Variants in DGKH observed in about 807,000 individuals in gnomAD.
The protein encoded by DGKH is diacylglycerol kinase eta.
In DGKH, 90 loss-of-function variants were observed where a neutral mutation model predicts 159.3. The ratio of observed to expected loss-of-function variants is 0.57; its 90% CI spans 0.48 to 0.67. DGKH has a LOEUF of 0.67. DGKH is among the 30% of genes least tolerant of loss of function. DGKH has a pLI of 0.00. For synonymous variants in DGKH, 536 were observed against 553.8 expected, an observed-to-expected ratio of 0.97 and a Z score of 0.45; for missense variants, 1,181 against 1,506.1, an observed-to-expected ratio of 0.78 and a Z score of 3.57.
At chr13:42,064,222 G>A (rs1003905328) in intron 1 of DGKH, among the ~76,000 whole-genome samples, 22 of 152,208 alleles carry the variant, frequency 1.4e-4, no homozygotes, top group African/African-American at 5.3e-4. Context: ...AAGTTAGGTC[G>A]TCAGCTGAGA....
chr13:42,118,264 C>A (rs1456896016), intron 1 of DGKH, among the ~76,000 whole-genome samples: 1 of 152,096 alleles, frequency 6.6e-6, no homozygotes, highest in Non-Finnish European at 1.5e-5. Context: ...CTCATTGATA[C>A]CATTTCCCCT....
chr13:42,070,376 C>T, intron 1 of DGKH: 3 of 1,431,094 alleles, frequency 2.1e-6, no homozygotes, highest in Non-Finnish European at 3.0e-6. Context: ...TGCATCTGTT[C>T]AAGTTCATGT....
chr13:42,064,282 A>G (rs1281083542), intron 1 of DGKH, among the ~76,000 whole-genome samples: 2 of 152,164 alleles, frequency 1.3e-5, no homozygotes, highest in Admixed American at 1.3e-4. Flanking sequence ...AAGGTATGAA[A>G]TGCTTGAACA....
At chr13:42,100,418 G>C (rs138467980) in intron 1 of DGKH, among the ~76,000 whole-genome samples, 156 of 152,198 alleles carry the variant, frequency 1.0e-3, no homozygotes, top group African/African-American at 3.5e-3. Flanking sequence ...CACAATAAAT[G>C]TAATGTGCTT....
At position 42,255,032 on chromosome 13, in the gene DGKH, G is replaced by T. The variant is rs528267561; in HGVS notation, n.4128-1252G>T. ...TTGAAAATATCTTGTATATATTGGG[G>T]TAAATAAAATCTATTATTTTTGCGT... On this transcript the variant is annotated intron_variant and non_coding_transcript_variant, in intron 30 of 30. Transcript: ENST00000498255. Among the ~76,000 whole-genome samples the T allele has an allele frequency of 3.3e-5, 5 of 151,848 alleles. No individual in the cohort carries two copies. In the East Asian group the frequency reaches 9.7e-4, roughly 29 times the overall value.
downstream of DGKH, among the ~76,000 whole-genome samples, chr13:42,244,354 AG>A (rs940685830): frequency 1.3e-4 from 20 of 152,338 alleles, no homozygotes; most frequent in African/African-American, 4.6e-4. Flanking sequence ...GGAATGCCAG[AG>A]GAAGAAGCCG....
Position 42,127,522 on chromosome 13 carries a change from G to A in DGKH, c.252G>A (p.Lys84=). ...CCAGTTCTTTCCAAAGGTGGAAAAA[G>A]CGATACTTCAAACTTCGAGGCCGCA... is the stretch of plus-strand genomic sequence containing the variant. ...KQTSSFQRWK[K]RYFKLRGRTL... is the part of the protein sequence containing the mutation. Residue 84 remains lysine, a synonymous_variant, in exon 2 of 30, where the codon AAG becomes AAA. Coordinates refer to ENST00000337343, the MANE Select transcript of DGKH (RefSeq NM_178009.5). The A allele has an allele frequency of 1.9e-6, 3 of 1,613,860 alleles. No homozygotes were observed. The highest frequency in any genetic ancestry group is 1.1e-5 in the South Asian group (1 of 91,068).
chr13:42,073,700 T>C (rs1209476631), intron 1 of DGKH, among the ~76,000 whole-genome samples: 2 of 152,228 alleles, frequency 1.3e-5, no homozygotes, highest in Admixed American at 6.5e-5. Context: ...TTTAAGAGGA[T>C]GTAATGCCAT....
intron 3 of DGKH, chr13:42,140,482 G>A (rs1243692094): frequency 6.6e-6 from 1 of 152,236 alleles, no homozygotes; most frequent in African/African-American, 2.4e-5. Context: ...TAGCTGTGTG[G>A]AAGTAAACTT....
chr13:42,046,284 G>A (rs1480369933), upstream of DGKH, among the ~76,000 whole-genome samples: 1 of 152,194 alleles, frequency 6.6e-6, no homozygotes, highest in African/African-American at 2.4e-5. Flanking sequence ...GAGCTACATG[G>A]TTGAAATGGT....
upstream of DGKH, among the ~76,000 whole-genome samples, chr13:42,046,965 C>G (rs144540081): frequency 3.9e-5 from 6 of 152,260 alleles, no homozygotes; most frequent in Non-Finnish European, 7.4e-5. Flanking sequence ...TGTCCATGAC[C>G]AAACAGGTGG....
intron 20 of DGKH, among the ~76,000 whole-genome samples, chr13:42,201,252 A>C (rs1038344244): frequency 1.3e-5 from 2 of 152,108 alleles, no homozygotes; most frequent in Non-Finnish European, 2.9e-5. Context: ...CGGCCTTCCA[A>C]AGTGCTGGGA....
chr13:42,217,764 T>C (rs1957838270), intron 26 of DGKH, among the ~76,000 whole-genome samples: 1 of 152,206 alleles, frequency 6.6e-6, no homozygotes, highest in Non-Finnish European at 1.5e-5. Context: ...CCAGGCTCAG[T>C]GGCTCACGCC....
At chr13:42,095,156 C>CATTTTTTTTT (rs1954498210) in intron 1 of DGKH, among the ~76,000 whole-genome samples, 1 of 76,802 alleles carries the variant, frequency 1.3e-5, no homozygotes, top group Non-Finnish European at 2.3e-5. Context: ...ATGTTGACTC[C>CATTTTTTTTT]TTTTTTTTTT....
In DGKH at chr13:42,127,561, A is replaced by G; in HGVS notation, c.291A>G (p.Ala97=). ...FKLRGRTLYY[A]KDSKSLIFDE... ...TTCGAGGCCGCACCCTTTACTATGC[A>G]AAGGACTCAAAGGTAACTCACGAGA... Residue 97 remains alanine, a synonymous_variant, in exon 2 of 30, where the codon GCA becomes GCG. Coordinates refer to ENST00000337343, the MANE Select transcript of DGKH (RefSeq NM_178009.5). 1 of 1,613,376 alleles carries G rather than the reference A, an allele frequency of 6.2e-7. No individual in the cohort carries two copies. Among genetic ancestry groups the G allele is most frequent in the Non-Finnish European group, 8.5e-7 (1 of 1,179,496 alleles).
At chr13:42,211,096 AT>A (rs1957646839) in intron 24 of DGKH, among the ~76,000 whole-genome samples, 1 of 152,222 alleles carries the variant, frequency 6.6e-6, no homozygotes, top group Non-Finnish European at 1.5e-5. Context: ...TATTAGAGAG[AT>A]TTTGAGACCA....
At chr13:42,201,570 T>C (rs1483640464) in intron 20 of DGKH, among the ~76,000 whole-genome samples, 2 of 152,174 alleles carry the variant, frequency 1.3e-5, no homozygotes, top group East Asian at 1.9e-4. Flanking sequence ...GAACAAGATA[T>C]CTTATTTACA....
chr13:42,139,587 C>T (rs1268324992), intron 3 of DGKH, among the ~76,000 whole-genome samples: 1 of 152,230 alleles, frequency 6.6e-6, no homozygotes, highest in Non-Finnish European at 1.5e-5. Flanking sequence ...AACCTTCAAC[C>T]TGCTGCCTCT....
At chr13:42,067,273 G>A (rs1324660418) in intron 1 of DGKH, among the ~76,000 whole-genome samples, 2 of 152,026 alleles carry the variant, frequency 1.3e-5, no homozygotes, top group African/African-American at 4.8e-5. Context: ...GCTTTTCAAG[G>A]AAAACCAATA....
Sources: allele counts gnomAD v4.1 joint callset (sites outside exome capture counted in the v4.1 genomes callset), GRCh38; gene constraint gnomAD v4.1.1; transcripts MANE v1.5; gene names NCBI Gene and HGNC (gene_info 2026-07-23, HGNC 2026-07-21).